BRWD1: variants seen among roughly 807,000 people sequenced by gnomAD.
BRWD1 encodes bromodomain and WD repeat domain containing 1.
Under a neutral mutation model 251.2 loss-of-function variants are expected in BRWD1, and 82 were observed. The observed-to-expected ratio is 0.33, with a 90% CI of 0.27 to 0.39. BRWD1 has a LOEUF of 0.39. Ranked by LOEUF, BRWD1 falls within the 10% of genes least tolerant of loss-of-function variation. The probability of loss-of-function intolerance (pLI) is 1.00; values close to 1 mark genes in which losing one functional copy is unlikely to be tolerated. For synonymous variants in BRWD1, 918 were observed against 902.8 expected (o/e 1.02, Z -0.30); for missense variants, 2,233 against 2,711.6 (o/e 0.82, Z 3.92).
At position 39,278,806 on chromosome 21, in the gene BRWD1, G is replaced by C. The variant is rs766124826; in HGVS notation, c.940C>G (p.Pro314Ala). The C allele has an allele frequency of 8.5e-5, 134 of 1,584,108 alleles. No individual in the cohort carries two copies. The highest frequency in any genetic ancestry group is 1.1e-4 in the Non-Finnish European group (125 of 1,168,374). Reference protein sequence around the residue: ...DLESLKFSPRPLKFTEKPRPG... With the variant: ...DLESLKFSPRALKFTEKPRPG... ...CTAGGCTTTTCAGTGAACTTCAGGG[G>C]ACGTGGGCTTTAAAAGAAGAAGATG... is the stretch of plus-strand genomic sequence containing the variant. The change falls in exon 10 of 41, where the codon CCC becomes GCC. Residue 314 changes from proline (P) to alanine (A), a missense_variant. Coordinates refer to ENST00000342449, the MANE Select transcript of BRWD1 (RefSeq NM_033656.4).
At chr21:39,298,696 G>A (rs2036024405) in intron 4 of BRWD1, 114 bp from the exon 5 acceptor site, 1 of 816,044 alleles carries the variant, frequency 1.2e-6, no homozygotes, top group African/African-American at 1.8e-5. Context: ...TGTAAAACAT[G>A]CTGAGAGAAA....
intron 8 of BRWD1, among the ~76,000 whole-genome samples, chr21:39,281,861 CCTT>C (rs2035467941): frequency 6.9e-6 from 1 of 145,072 alleles, no homozygotes; most frequent in Admixed American, 7.2e-5. Flanking sequence ...CAGCAAGACT[CCTT>C]CACCTACCAA....
At chr21:39,265,529 G>A (rs1459601193) in intron 15 of BRWD1, among the ~76,000 whole-genome samples, 1 of 152,078 alleles carries the variant, frequency 6.6e-6, no homozygotes, top group Non-Finnish European at 1.5e-5. Flanking sequence ...CTAGAAAAAA[G>A]TCTTCAAAGT....
In BRWD1 at chr21:39,195,042, T is replaced by G. The variant is rs1364726629; in HGVS notation, c.*1217A>C. 22 of 1,339,678 alleles carry G rather than the reference T, an allele frequency of 1.6e-5. No homozygotes were observed. The highest frequency in any genetic ancestry group is 2.1e-5 in the Non-Finnish European group (22 of 1,046,320). 83.0% of individuals were successfully genotyped at this position (1,339,678 alleles called of 1,614,324 possible). On this transcript the variant is annotated 3_prime_UTR_variant, in exon 41 of 41. Transcript: ENST00000342449. ...ACCTATCAAGTATTTGGTTAGAAAATAAGTGTACTATTTGTGTGATAAACT... is the reference window on the plus strand; with the variant it reads ...ACCTATCAAGTATTTGGTTAGAAAAGAAGTGTACTATTTGTGTGATAAACT...
chr21:39,314,216 C>G (rs759474559), upstream of BRWD1: 1 of 455,820 alleles, frequency 2.2e-6, no homozygotes, highest in Non-Finnish European at 4.4e-6. Flanking sequence ...CGCCCGGACC[C>G]GCGCTCCTGG....
Position 39,297,082 on chromosome 21 carries a change from A to C in BRWD1, c.350-719T>G, listed in dbSNP as rs546439612. 147 of 985,416 alleles carry C rather than the reference A, an allele frequency of 1.5e-4. No individual in the cohort carries two copies. In the Middle Eastern group the frequency reaches 3.1e-3, roughly 21 times the overall value. 61.0% of individuals were successfully genotyped at this position (985,416 alleles called of 1,614,324 possible). A position where few individuals can be genotyped will look rare whatever the true frequency, so the allele number is the denominator to read the frequency against. Reference sequence around the variant, plus strand: ...GATCTGTGACTCTGAACACTAATTCAAAGTCCATCCCTCCTTGACCTACCA... The same window carrying C: ...GATCTGTGACTCTGAACACTAATTCCAAGTCCATCCCTCCTTGACCTACCA... On this transcript the variant is annotated intron_variant, in intron 5 of 40. Transcript: ENST00000342449.
chr21:39,313,920 C>CG (rs2036623569), upstream of BRWD1: 3 of 315,238 alleles, frequency 9.5e-6, no homozygotes, highest in African/African-American at 4.7e-5. Flanking sequence ...AGCGCGACGC[C>CG]GGGTGGCCCA....
Position 39,189,558 on chromosome 21 carries a change from G to A in BRWD1, c.*6701C>T. Reference sequence around the variant, plus strand: ...ACTTCAGTAACTATGCCCAAGGGAGGGAGAATTTGAATTACACTGTACTCT... The same window carrying A: ...ACTTCAGTAACTATGCCCAAGGGAGAGAGAATTTGAATTACACTGTACTCT... On this transcript the variant is annotated 3_prime_UTR_variant, in exon 41 of 41. Coordinates refer to ENST00000342449, the MANE Select transcript of BRWD1 (RefSeq NM_033656.4). The A allele has an allele frequency of 1.0e-6, 1 of 983,954 alleles. No homozygotes were observed. The highest frequency in any genetic ancestry group is 1.2e-6 in the Non-Finnish European group (1 of 828,730). The allele number at this position is 983,954 out of a possible 1,614,324, so 61.0% of individuals were successfully genotyped here. A position where few individuals can be genotyped will look rare whatever the true frequency, so the allele number is the denominator to read the frequency against.
At position 39,258,613 on chromosome 21, in the gene BRWD1, T is replaced by C. The variant is rs777587200; in HGVS notation, c.1945A>G (p.Ser649Gly). Residue 649 changes from serine (S) to glycine (G), a missense_variant, in exon 18 of 41, where the codon AGC becomes GGC. Around this residue, in one of 12 missense-constraint regions of BRWD1, gnomAD observed 73 missense variants for 68.1 expected, o/e 1.07. Coordinates refer to ENST00000342449, the MANE Select transcript of BRWD1 (RefSeq NM_033656.4). ...SLQTNDNDER[S>G]PESSILDGMI... Reference sequence around the variant, plus strand: ...CCATCAAGAATACTCGATTCTGGGCTGCGTTCATCATTATCATTGGTTTGC... The same window carrying C: ...CCATCAAGAATACTCGATTCTGGGCCGCGTTCATCATTATCATTGGTTTGC... The C allele has an allele frequency of 2.5e-6, 4 of 1,612,154 alleles. No individual in the cohort carries two copies. Among genetic ancestry groups the C allele is most frequent in the Non-Finnish European group, 3.4e-6 (4 of 1,178,990 alleles).
chr21:39,187,707 A>G lies in BRWD1; in HGVS notation c.*8552T>C. ...TAAAGCTGCTAATCTAAAAACATAT[A>G]TATGAGCATTTTACATAATTTGAAT... On this transcript the variant is annotated 3_prime_UTR_variant, in exon 41 of 41. Transcript: ENST00000342449. The G allele has an allele frequency of 3.0e-6, 3 of 984,972 alleles. No individual in the cohort carries two copies. Among genetic ancestry groups the G allele is most frequent in the Non-Finnish European group, 3.6e-6 (3 of 829,822 alleles). 61.0% of individuals were successfully genotyped at this position (984,972 alleles called of 1,614,324 possible).
chr21:39,232,566 A>G, intron 23 of BRWD1, 68 bp from the exon 24 acceptor site: 2 of 1,529,660 alleles, frequency 1.3e-6, no homozygotes, highest in Non-Finnish European at 1.7e-6. Context: ...TGAATGAAAA[A>G]TAAAAGAAAC....
At chr21:39,302,355 G>A (rs2036146952) in intron 4 of BRWD1, among the ~76,000 whole-genome samples, 1 of 152,138 alleles carries the variant, frequency 6.6e-6, no homozygotes, top group African/African-American at 2.4e-5. Flanking sequence ...TAGGTCCCAT[G>A]GAAGTGGAGG....
intron 4 of BRWD1, among the ~76,000 whole-genome samples, chr21:39,299,164 A>C (rs1601491042): frequency 6.6e-6 from 1 of 152,118 alleles, no homozygotes; most frequent in East Asian, 1.9e-4. Flanking sequence ...TGGAGGTTGC[A>C]GTGAGCTGGG....
At chr21:39,291,861 G>A (rs915573677) in intron 8 of BRWD1, among the ~76,000 whole-genome samples, 9 of 152,122 alleles carry the variant, frequency 5.9e-5, no homozygotes, top group Non-Finnish European at 8.8e-5. Flanking sequence ...CTTAAGACAC[G>A]GCAAGGCATT....
chr21:39,281,152 AAT>A (rs1286085540), intron 8 of BRWD1, among the ~76,000 whole-genome samples: 1 of 152,238 alleles, frequency 6.6e-6, no homozygotes, highest in African/African-American at 2.4e-5. Context: ...GGGGTAAATG[AAT>A]AGAGAATCTG....
At chr21:39,255,948 G>T (rs1404185566) in intron 18 of BRWD1, 120 bp from the exon 19 acceptor site, 3 of 881,526 alleles carry the variant, frequency 3.4e-6, no homozygotes, top group South Asian at 1.9e-5. Flanking sequence ...AGAGAAGATA[G>T]TATCTACTGA....
intron 21 of BRWD1, among the ~76,000 whole-genome samples, chr21:39,244,498 T>G (rs2034111392): frequency 6.6e-6 from 1 of 152,228 alleles, no homozygotes; most frequent in South Asian, 2.1e-4. Flanking sequence ...TTAGATAACG[T>G]GTAAACCATT....
intron 34 of BRWD1, among the ~76,000 whole-genome samples, chr21:39,211,840 CTTAAA>C (rs1022077564): frequency 4.2e-4 from 64 of 152,178 alleles, no homozygotes; most frequent in African/African-American, 1.5e-3. Flanking sequence ...TCATAAAAAG[CTTAAA>C]TTTAAGGAGC....
chr21:39,258,158 T>C (rs1313034220), intron 18 of BRWD1, among the ~76,000 whole-genome samples: 2 of 152,214 alleles, frequency 1.3e-5, no homozygotes, highest in African/African-American at 4.8e-5. Flanking sequence ...CAATACAGTT[T>C]TTCAAAAATT....
Sources: gnomAD v4.1 joint callset for allele counts (sites outside exome capture counted in the v4.1 genomes callset) on GRCh38, gnomAD v4.1.1 for gene constraint, gnomAD v4.1.1 regional missense constraint, MANE v1.5 for transcripts, NCBI Gene and HGNC (gene_info 2026-07-23, HGNC 2026-07-21) for gene names.